Variants in DENND4A observed in about 807,000 individuals in gnomAD.
DENND4A encodes C-myc promoter-binding protein.
DENND4A carries 70 observed loss-of-function variants against 199.3 expected under a neutral mutation model. The ratio of observed to expected loss-of-function variants is 0.35; its 90% CI spans 0.29 to 0.43. The LOEUF (loss-of-function observed/expected upper bound fraction) is 0.43. DENND4A is among the 20% of genes least tolerant of loss of function. The pLI is 1.00. For missense variants in DENND4A, 1,723 were observed against 2,255.8 expected, an observed-to-expected ratio of 0.76 and a Z score of 4.78; for synonymous variants, 686 against 766.9, an observed-to-expected ratio of 0.89 and a Z score of 1.74.
intron 1 of DENND4A, among the ~76,000 whole-genome samples, chr15:65,777,554 T>C (rs889458339): frequency 2.0e-5 from 3 of 152,178 alleles, no homozygotes; most frequent in South Asian, 4.1e-4. Context: ...GGTTTCGTCA[T>C]GTTAGCCAGG....
chr15:65,741,828 A>G (rs751449310), intron 4 of DENND4A, 44 bp from the exon 5 acceptor site: 47 of 1,496,766 alleles, frequency 3.1e-5, no homozygotes, highest in Non-Finnish European at 4.2e-5. Context: ...TTTAAAAGGT[A>G]GGAACTTGAT....
intron 22 of DENND4A, among the ~76,000 whole-genome samples, chr15:65,692,559 G>A (rs2077010029): frequency 6.6e-6 from 1 of 152,080 alleles, no homozygotes; most frequent in African/African-American, 2.4e-5. Context: ...CAAATGGCAG[G>A]GCAAGAGATA....
intron 3 of DENND4A, among the ~76,000 whole-genome samples, chr15:65,753,267 A>G (rs770123773): frequency 3.1e-4 from 47 of 152,326 alleles, no homozygotes; most frequent in Non-Finnish European, 4.9e-4. Flanking sequence ...CTTAAATAAC[A>G]TTAGTTTATT....
chr15:65,721,993 T>C (rs1311740348), intron 12 of DENND4A, among the ~76,000 whole-genome samples: 1 of 152,220 alleles, frequency 6.6e-6, no homozygotes, highest in East Asian at 1.9e-4. Flanking sequence ...ATTAATTTCT[T>C]AATGCTATTG....
intron 13 of DENND4A, among the ~76,000 whole-genome samples, chr15:65,715,956 A>G (rs1384701035): frequency 6.6e-6 from 1 of 152,034 alleles, no homozygotes; most frequent in Non-Finnish European, 1.5e-5. Flanking sequence ...CACTCTCTCC[A>G]TATAAATATA....
chr15:65,706,364 T>C (rs7176565), intron 14 of DENND4A, 140 bp from the exon 15 acceptor site: 222,177 of 787,430 alleles, frequency 0.28, 37,355 homozygotes, highest in East Asian at 0.74. Flanking sequence ...AAGTTCTCTA[T>C]GAGTGCCAAA....
At chr15:65,686,846 C>T (rs2076801341) in intron 23 of DENND4A, among the ~76,000 whole-genome samples, 1 of 151,650 alleles carries the variant, frequency 6.6e-6, no homozygotes, top group Admixed American at 6.6e-5. Context: ...TATGTGCCAC[C>T]ATGGCCAGCT....
At chr15:65,698,396 T>C (rs1049307931) in intron 20 of DENND4A, among the ~76,000 whole-genome samples, 1 of 152,230 alleles carries the variant, frequency 6.6e-6, no homozygotes, top group Non-Finnish European at 1.5e-5. Context: ...TTTTGAATCC[T>C]AGTTCTCTAT....
At chr15:65,715,387 C>A in intron 14 of DENND4A, 91 bp downstream of exon 14, 1 of 1,227,922 alleles carries the variant, frequency 8.1e-7, no homozygotes, top group Non-Finnish European at 1.1e-6. Flanking sequence ...ATTTCAATTT[C>A]ATTAAAAGCT....
intron 22 of DENND4A, among the ~76,000 whole-genome samples, chr15:65,695,536 C>T (rs2077116467): frequency 1.3e-5 from 2 of 152,168 alleles, no homozygotes; most frequent in African/African-American, 2.4e-5. Context: ...CCCTGAACTA[C>T]AGGCATATCT....
chr15:65,666,601 G>A (rs1240131121), intron 29 of DENND4A, among the ~76,000 whole-genome samples: 2 of 152,070 alleles, frequency 1.3e-5, no homozygotes, highest in East Asian at 3.9e-4. Flanking sequence ...AGGGACTGCT[G>A]TATAGATATC....
At position 65,762,629 on chromosome 15, in the gene DENND4A, C is replaced by CAATG. The variant is rs1192175759; in HGVS notation, c.-101-1195_-101-1192dup. 1.2e-4 allele frequency among the ~76,000 whole-genome samples: 19 copies of CAATG among 152,012 alleles called. No homozygotes were observed. In the East Asian group the frequency reaches 2.7e-3, roughly 22 times the overall value. ...GGGTAACAGAGTAAAGCTCTATCTC[C>CAATG]AATGAATGAATGAATGAATGATACA... On this transcript the variant is annotated intron_variant, in intron 1 of 32. Transcript: ENST00000443035.
intron 1 of DENND4A, among the ~76,000 whole-genome samples, chr15:65,770,377 T>C (rs188799875): frequency 1.4e-4 from 22 of 152,314 alleles, no homozygotes; most frequent in Admixed American, 5.9e-4. Flanking sequence ...CTTTAAAGTA[T>C]TGGAATTGTA....
intron 1 of DENND4A, among the ~76,000 whole-genome samples, chr15:65,783,759 G>A (rs1451042583): frequency 1.3e-5 from 2 of 152,084 alleles, no homozygotes; most frequent in Non-Finnish European, 2.9e-5. Context: ...ATAGGATTAT[G>A]ACCCCAAGTA....
intron 27 of DENND4A, among the ~76,000 whole-genome samples, chr15:65,668,962 T>G (rs930033533): frequency 6.6e-6 from 1 of 152,162 alleles, no homozygotes; most frequent in Non-Finnish European, 1.5e-5. Context: ...ACTGTAAATA[T>G]TCAAAATTCA....
chr15:65,708,198 G>A (rs551220333), intron 14 of DENND4A, among the ~76,000 whole-genome samples: 56 of 151,882 alleles, frequency 3.7e-4, no homozygotes, highest in African/African-American at 1.2e-3. Context: ...GTAGAGATGG[G>A]GTCTTGCTAT....
chr15:65,768,262 C>T (rs2077035381), intron 1 of DENND4A, among the ~76,000 whole-genome samples: 1 of 152,148 alleles, frequency 6.6e-6, no homozygotes. Flanking sequence ...AGTGATCTGC[C>T]CGTGCCGGCA....
At chr15:65,676,165 T>TATATATATATATATAC (rs1011768963) in intron 24 of DENND4A, among the ~76,000 whole-genome samples, 2 of 144,468 alleles carry the variant, frequency 1.4e-5, no homozygotes, top group African/African-American at 5.1e-5. Flanking sequence ...TATATATATA[T>TATATATATATATATAC]ACCTATACCT....
chr15:65,779,668 G>A lies in DENND4A; in HGVS notation c.-102+12342C>T, dbSNP rs113121337. Among the ~76,000 whole-genome samples the A allele has an allele frequency of 4.5e-3, 678 of 151,370 alleles. 9 individuals are homozygous for A. Among genetic ancestry groups the A allele is most frequent in the African/African-American group, 0.015 (628 of 41,192 alleles). On this transcript the variant is annotated intron_variant, in intron 1 of 32. Coordinates refer to ENST00000443035, the MANE Select transcript of DENND4A (RefSeq NM_001320835.1). ...TAGGTGGTGTTTTTCGTTTGTTTTC[G>A]AGAAAGAGTCTCACTCTGTCACCCA...
Sources: allele counts gnomAD v4.1 joint callset (sites outside exome capture counted in the v4.1 genomes callset), GRCh38; gene constraint gnomAD v4.1.1; transcripts MANE v1.5; gene names NCBI Gene and HGNC (gene_info 2026-07-23, HGNC 2026-07-21).